Variants in PTPRT observed in about 807,000 individuals in gnomAD.
PTPRT encodes receptor-type tyrosine-protein phosphatase T.
Under a neutral mutation model 176.8 loss-of-function variants are expected in PTPRT, and 56 were observed. The observed-to-expected ratio is 0.32, with a 90% confidence interval of 0.26 to 0.40. The LOEUF (loss-of-function observed/expected upper bound fraction) is 0.40, where lower values mean the gene tolerates loss of function less well. PTPRT is among the 10% of genes least tolerant of loss of function. The pLI is 1.00. For synonymous variants in PTPRT, 783 were observed against 739.0 expected, an observed-to-expected ratio of 1.06 and a Z score of -0.96; for missense variants, 1,540 against 1,908.2, an observed-to-expected ratio of 0.81 and a Z score of 3.60.
intron 6 of PTPRT, among the ~76,000 whole-genome samples, chr20:42,742,357 C>T (rs2076624084): frequency 6.6e-6 from 1 of 152,222 alleles, no homozygotes; most frequent in Admixed American, 6.5e-5. Flanking sequence ...AGTAGCACCA[C>T]CTGCCCCGCC....
At chr20:42,275,715 T>C (rs185533051) in intron 13 of PTPRT, among the ~76,000 whole-genome samples, 92 of 152,340 alleles carry the variant, frequency 6.0e-4, no homozygotes, top group African/African-American at 2.1e-3. Context: ...TGTGTACTTA[T>C]GATATAGTTC....
chr20:42,305,313 T>G (rs1256907810), intron 12 of PTPRT, among the ~76,000 whole-genome samples: 3 of 151,942 alleles, frequency 2.0e-5, no homozygotes, highest in Non-Finnish European at 4.4e-5. Flanking sequence ...ATCATGCCAC[T>G]GCAATCTAGC....
the PTPRT span, among the ~76,000 whole-genome samples, chr20:42,052,201 G>T: frequency 2.0e-5 from 3 of 152,204 alleles, no homozygotes; most frequent in African/African-American, 4.8e-5. Flanking sequence ...ATGCAGCAAG[G>T]CACTCTGGGA....
intron 7 of PTPRT, among the ~76,000 whole-genome samples, chr20:42,631,508 CA>C (rs1474261961): frequency 1.3e-5 from 2 of 152,096 alleles, no homozygotes; most frequent in Non-Finnish European, 2.9e-5. Context: ...AACAGCTATG[CA>C]GAATAGGGGA....
chr20:43,172,869 C>CTTTTT lies in PTPRT; in HGVS notation c.88+16772_88+16776dup, dbSNP rs1156414727. 1.4e-4 allele frequency among the ~76,000 whole-genome samples: 17 copies of CTTTTT among 117,514 alleles called. 1 individual carries two copies. Among genetic ancestry groups the CTTTTT allele is most frequent in the African/African-American group, 4.4e-4 (13 of 29,598 alleles). The allele number at this position is 117,514 out of a possible 152,430, so 77.1% of individuals were successfully genotyped here. On this transcript the variant is annotated intron_variant, in intron 1 of 30. Coordinates refer to ENST00000373187, the MANE Select transcript of PTPRT (RefSeq NM_007050.6). Reference sequence around the variant, plus strand: ...ACAGTCTGAGATCAGAGTCTGCAGTCTTTTTTTTTTTTTTTTTTTTGAGAT... The same window carrying CTTTTT: ...ACAGTCTGAGATCAGAGTCTGCAGTCTTTTTTTTTTTTTTTTTTTTTTTTTGAGAT...
intron 9 of PTPRT, among the ~76,000 whole-genome samples, chr20:42,435,307 A>T (rs2059252519): frequency 1.3e-5 from 2 of 152,260 alleles, no homozygotes; most frequent in South Asian, 4.1e-4. Flanking sequence ...ATGTTATCCA[A>T]AAATGGGAAG....
chr20:43,062,118 A>G (rs1174855017), intron 1 of PTPRT, among the ~76,000 whole-genome samples: 1 of 152,214 alleles, frequency 6.6e-6, no homozygotes, highest in Non-Finnish European at 1.5e-5. Context: ...AAGAGGAAGG[A>G]GAGCCATTTC....
chr20:43,017,407 C>T (rs573420815), intron 1 of PTPRT, among the ~76,000 whole-genome samples: 31 of 152,288 alleles, frequency 2.0e-4, no homozygotes, highest in African/African-American at 7.5e-4. Context: ...ATCGCATCTC[C>T]CTCCCTCCTC....
Position 42,141,932 on chromosome 20 carries a change from T to A in PTPRT, c.2753A>T (p.Tyr918Phe). The change falls in exon 18 of 31, where the codon TAT (tyrosine) becomes TTT (phenylalanine). Residue 918 changes from tyrosine (Y) to phenylalanine (F), a missense_variant. Physicochemically the swap from Tyr to Phe is conservative, Grantham distance 22 (BLOSUM62 3). Around this residue, in one of 11 missense-constraint regions of PTPRT, gnomAD observed 248 missense variants for 356.7 expected, o/e 0.70. Coordinates refer to ENST00000373187, the MANE Select transcript of PTPRT (RefSeq NM_007050.6). ...GCACCTACAGGATATGATGTTCCCA[T>A]ATCGATTCTTATTGCGGTTTTCATC... ...KEDENRNKNR[Y>F]GNIISYDHSR... 1 of 1,614,096 alleles carries A rather than the reference T, an allele frequency of 6.2e-7. No homozygotes were observed. The highest frequency in any genetic ancestry group is 8.5e-7 in the Non-Finnish European group (1 of 1,179,930).
At chr20:42,098,624 G>A in intron 26 of PTPRT, 72 bp from the exon 27 acceptor site, 1 of 1,582,042 alleles carries the variant, frequency 6.3e-7, no homozygotes, top group Non-Finnish European at 8.6e-7. Context: ...ATGAGGCCTG[G>A]ACTGAGGCCA....
chr20:42,485,469 C>A (rs1033752133), intron 7 of PTPRT, among the ~76,000 whole-genome samples: 1 of 152,186 alleles, frequency 6.6e-6, no homozygotes, highest in Admixed American at 6.5e-5. Context: ...AAAGTCTCAG[C>A]GTAGCTAATT....
intron 1 of PTPRT, among the ~76,000 whole-genome samples, chr20:43,187,899 G>C (rs548290355): frequency 9.1e-4 from 138 of 152,348 alleles, no homozygotes; most frequent in African/African-American, 3.2e-3. Flanking sequence ...AACCAGATTT[G>C]CATTTTAATA....
intron 15 of PTPRT, among the ~76,000 whole-genome samples, chr20:42,214,136 G>A (rs2055711908): frequency 1.3e-5 from 2 of 152,188 alleles, no homozygotes; most frequent in Non-Finnish European, 2.9e-5. Flanking sequence ...AGCCACCCAG[G>A]CTTTCAGAGG....
intron 1 of PTPRT, among the ~76,000 whole-genome samples, chr20:42,934,031 T>C (rs527729492): frequency 6.6e-6 from 1 of 152,362 alleles, no homozygotes; most frequent in South Asian, 2.1e-4. Context: ...AACTTTCAGA[T>C]TCCTATAAAT....
At chr20:42,526,956 CTTTTTTT>C (rs915511549) in intron 7 of PTPRT, among the ~76,000 whole-genome samples, 1,477 of 78,658 alleles carry the variant, frequency 0.019, 18 homozygotes, top group African/African-American at 0.066. Flanking sequence ...GTTCTTTTTT[CTTTTTTT>C]TTTTTTTTTT....
At chr20:42,260,437 T>G (rs2056729107) in intron 13 of PTPRT, among the ~76,000 whole-genome samples, 1 of 152,208 alleles carries the variant, frequency 6.6e-6, no homozygotes, top group Admixed American at 6.5e-5. Context: ...CACTGGGGAT[T>G]AAGGGTTTAG....
At chr20:42,666,308 A>G (rs983844074) in intron 7 of PTPRT, among the ~76,000 whole-genome samples, 8 of 152,136 alleles carry the variant, frequency 5.3e-5, no homozygotes, top group African/African-American at 1.9e-4. Flanking sequence ...TTGAATGCCT[A>G]TTTATTTTTG....
chr20:43,081,304 T>G (rs2011435385), intron 1 of PTPRT, among the ~76,000 whole-genome samples: 1 of 152,204 alleles, frequency 6.6e-6, no homozygotes. Context: ...CAGCAGTGAT[T>G]GTTCTAGTCA....
At chr20:42,654,293 G>T (rs1423613668) in intron 7 of PTPRT, among the ~76,000 whole-genome samples, 2 of 152,110 alleles carry the variant, frequency 1.3e-5, no homozygotes, top group Non-Finnish European at 2.9e-5. Flanking sequence ...ATGCAAGAAG[G>T]CTCTCCCTAG....
Sources: allele counts gnomAD v4.1 joint callset (sites outside exome capture counted in the v4.1 genomes callset), GRCh38; gene constraint gnomAD v4.1.1; regional missense constraint gnomAD v4.1.1; transcripts MANE v1.5; gene names NCBI Gene and HGNC (gene_info 2026-07-23, HGNC 2026-07-21).